Variants in DNAH6 observed in about 807,000 individuals in gnomAD.
The protein encoded by DNAH6 is axonemal beta dynein heavy chain 6.
Under a neutral mutation model 491.4 loss-of-function variants are expected in DNAH6, and 340 were observed. The observed-to-expected ratio is 0.69, with a 90% CI of 0.63 to 0.76. The LOEUF (loss-of-function observed/expected upper bound fraction) is 0.76, where lower values mean the gene tolerates loss of function less well. DNAH6 is among the 30% of genes least tolerant of loss of function. The pLI, the probability that DNAH6 is intolerant of heterozygous loss-of-function variation, is 0.00. For missense variants in DNAH6, 4,443 were observed against 4,972.2 expected, an observed-to-expected ratio of 0.89 and a Z score of 3.20; for synonymous variants, 1,603 against 1,686.1, an observed-to-expected ratio of 0.95 and a Z score of 1.21.
At chr2:84,815,266 C>T (rs1680373979) in intron 75 of DNAH6, among the ~76,000 whole-genome samples, 1 of 152,148 alleles carries the variant, frequency 6.6e-6, no homozygotes. Flanking sequence ...ATCCAAACAG[C>T]TTAGTCCTCT....
chr2:84,740,502 T>C (rs1672422099), intron 62 of DNAH6, among the ~76,000 whole-genome samples: 1 of 152,158 alleles, frequency 6.6e-6, no homozygotes, highest in Non-Finnish European at 1.5e-5. Flanking sequence ...TCCATGTCCA[T>C]TCCCAGGCTT....
chr2:84,790,042 A>G (rs560634886), intron 68 of DNAH6, among the ~76,000 whole-genome samples: 7 of 152,346 alleles, frequency 4.6e-5, no homozygotes, highest in Admixed American at 4.6e-4. Flanking sequence ...GAAATAACAT[A>G]TATATTTTTT....
intron 63 of DNAH6, among the ~76,000 whole-genome samples, chr2:84,747,639 C>A (rs1471317150): frequency 6.6e-6 from 1 of 152,208 alleles, no homozygotes; most frequent in African/African-American, 2.4e-5. Flanking sequence ...ATTCTCACAG[C>A]TCCACTAGGC....
intron 62 of DNAH6, among the ~76,000 whole-genome samples, chr2:84,737,776 C>G (rs1005500624): frequency 2.0e-5 from 3 of 152,040 alleles, no homozygotes; most frequent in Admixed American, 2.0e-4. Context: ...TTTCGAGAAA[C>G]CAACTTTTTG....
intron 37 of DNAH6, among the ~76,000 whole-genome samples, chr2:84,665,735 C>T (rs1692053639): frequency 6.6e-6 from 1 of 152,174 alleles, no homozygotes; most frequent in Non-Finnish European, 1.5e-5. Flanking sequence ...AGGGAATCCT[C>T]CCTAACTCAT....
the DNAH6 span, among the ~76,000 whole-genome samples, chr2:84,507,005 C>A: frequency 1.3e-5 from 2 of 152,178 alleles, no homozygotes; most frequent in African/African-American, 4.8e-5. Context: ...TAGCGTGATG[C>A]CTCCAGCTTT....
At chr2:84,646,475 T>C (rs112415895) in intron 33 of DNAH6, among the ~76,000 whole-genome samples, 5 of 152,204 alleles carry the variant, frequency 3.3e-5, no homozygotes, top group South Asian at 2.1e-4. Context: ...AAAGCCAAGA[T>C]AGGCTGAAAG....
chr2:84,520,521 A>G (rs1371141005), intron 2 of DNAH6, among the ~76,000 whole-genome samples: 1 of 152,086 alleles, frequency 6.6e-6, no homozygotes, highest in Non-Finnish European at 1.5e-5. Context: ...TTCATCTCTC[A>G]GGTACTAAGT....
At chr2:84,564,598 T>C (rs1680991845) in intron 11 of DNAH6, among the ~76,000 whole-genome samples, 1 of 152,152 alleles carries the variant, frequency 6.6e-6, no homozygotes, top group Admixed American at 6.5e-5. Flanking sequence ...GCAGAGTCTT[T>C]AGGGGTTTTT....
chr2:84,500,592 A>T, the DNAH6 span, among the ~76,000 whole-genome samples: 1 of 152,154 alleles, frequency 6.6e-6, no homozygotes, highest in South Asian at 2.1e-4. Flanking sequence ...TTTGATAGGG[A>T]TTCCATTGAA....
chr2:84,511,008 C>CGG, the DNAH6 span, among the ~76,000 whole-genome samples: 82 of 152,316 alleles, frequency 5.4e-4, 1 homozygote, highest in Admixed American at 4.9e-3. Context: ...CCCAGTTGGG[C>CGG]TACTCGGGGG....
At chr2:84,647,247 C>G (rs1158866695) in intron 33 of DNAH6, among the ~76,000 whole-genome samples, 1 of 152,130 alleles carries the variant, frequency 6.6e-6, no homozygotes. Flanking sequence ...GAAGTTGAAG[C>G]AAAGAAGCTA....
intron 64 of DNAH6, among the ~76,000 whole-genome samples, chr2:84,765,181 G>A (rs1176410273): frequency 6.6e-6 from 1 of 151,922 alleles, no homozygotes; most frequent in Non-Finnish European, 1.5e-5. Context: ...TTTTTAAAAA[G>A]TGTAAAGAAA....
At chr2:84,461,108 A>G in the DNAH6 span, among the ~76,000 whole-genome samples, 1 of 152,230 alleles carries the variant, frequency 6.6e-6, no homozygotes, top group Non-Finnish European at 1.5e-5. Flanking sequence ...ACCTAAACCC[A>G]TGTAGATTAA....
chr2:84,814,800 G>A (rs931473089), intron 75 of DNAH6, among the ~76,000 whole-genome samples: 1 of 152,190 alleles, frequency 6.6e-6, no homozygotes, highest in African/African-American at 2.4e-5. Context: ...TACAATCTCT[G>A]AGATCTGGGG....
the DNAH6 span, among the ~76,000 whole-genome samples, chr2:84,475,682 G>A: frequency 1.3e-5 from 2 of 152,222 alleles, no homozygotes; most frequent in African/African-American, 4.8e-5. Flanking sequence ...CCTCTCAGGG[G>A]TCTAATAGCA....
Position 84,653,372 on chromosome 2 carries a change from G to T in DNAH6, c.5132G>T (p.Gly1711Val), listed in dbSNP as rs752799288. 1.9e-6 allele frequency: 3 copies of T among 1,549,798 alleles called. No individual in the cohort carries two copies. In the Admixed American group the frequency reaches 5.9e-5, roughly 31 times the overall value. The change falls in exon 34 of 77, where the codon GGT becomes GTT. Residue 1711 changes from glycine (G) to valine (V), a missense_variant. Coordinates refer to ENST00000389394, the MANE Select transcript of DNAH6 (RefSeq NM_001370.2). Reference protein sequence around the residue: ...PGVQIPEHDYGILQSTIVDVM... With the variant: ...PGVQIPEHDYVILQSTIVDVM... ...GTCCAAATTCCAGAACATGATTATG[G>T]TATTTTACAATCAACAATTGTGGAT... is the stretch of plus-strand genomic sequence containing the variant.
intron 11 of DNAH6, among the ~76,000 whole-genome samples, chr2:84,558,772 A>G (rs141662796): frequency 6.6e-6 from 1 of 152,356 alleles, no homozygotes; most frequent in Non-Finnish European, 1.5e-5. Flanking sequence ...AAGCTCACTT[A>G]TTGAGGTGAT....
intron 70 of DNAH6, among the ~76,000 whole-genome samples, chr2:84,801,251 AAAAAAG>A (rs1246533591): frequency 5.9e-5 from 9 of 151,650 alleles, no homozygotes; most frequent in South Asian, 2.1e-4. Context: ...TATAATTAAA[AAAAAAG>A]AAAAAGAAAA....
Sources: allele counts gnomAD v4.1 joint callset (sites outside exome capture counted in the v4.1 genomes callset), GRCh38; gene constraint gnomAD v4.1.1; transcripts MANE v1.5; gene names NCBI Gene and HGNC (gene_info 2026-07-23, HGNC 2026-07-21).